ROBO2: variants seen among roughly 807,000 people sequenced by gnomAD.
ROBO2 encodes the protein roundabout homolog 2.
ROBO2 carries 53 observed loss-of-function variants against 160.8 expected under a neutral mutation model. That is an observed-to-expected ratio of 0.33 (90% CI 0.26 to 0.41). The LOEUF is 0.41. Among genes scored for constraint, ROBO2 ranks in the 10% least tolerant of loss-of-function variants. The probability of loss-of-function intolerance (pLI) is 1.00; values close to 1 mark genes in which losing one functional copy is unlikely to be tolerated. For missense variants in ROBO2, 1,577 were observed against 1,722.4 expected, an observed-to-expected ratio of 0.92 and a Z score of 1.49; for synonymous variants, 664 against 611.7, an observed-to-expected ratio of 1.09 and a Z score of -1.26.
At chr3:76,310,338 C>A (rs948606673) in intron 2 of ROBO2, among the ~76,000 whole-genome samples, 2 of 152,078 alleles carry the variant, frequency 1.3e-5, no homozygotes, top group Non-Finnish European at 2.9e-5. Context: ...TTAACACGTT[C>A]CAGAAAGCCT....
intron 2 of ROBO2, among the ~76,000 whole-genome samples, chr3:76,138,357 A>T (rs2071505444): frequency 6.6e-6 from 1 of 152,066 alleles, no homozygotes; most frequent in African/African-American, 2.4e-5. Flanking sequence ...AAAATATTAA[A>T]TGTAAATCTA....
At chr3:76,566,445 T>G (rs1179047963) in intron 2 of ROBO2, among the ~76,000 whole-genome samples, 1 of 152,126 alleles carries the variant, frequency 6.6e-6, no homozygotes, top group Admixed American at 6.5e-5. Context: ...TGAAATACTG[T>G]CTGGAATCCC....
At chr3:77,526,786 G>T (rs2153631338) in intron 6 of ROBO2, among the ~76,000 whole-genome samples, 1 of 151,526 alleles carries the variant, frequency 6.6e-6, no homozygotes, top group East Asian at 2.0e-4. Context: ...CCTGCCCTCT[G>T]CCAGAAGAAG....
intron 2 of ROBO2, among the ~76,000 whole-genome samples, chr3:76,113,964 C>T (rs368813140): frequency 6.6e-6 from 1 of 152,176 alleles, no homozygotes; most frequent in Non-Finnish European, 1.5e-5. Context: ...CACACCTGCT[C>T]CCCCTTTGGC....
intron 2 of ROBO2, among the ~76,000 whole-genome samples, chr3:77,319,135 C>T (rs1453111579): frequency 6.6e-6 from 1 of 152,138 alleles, no homozygotes; most frequent in Non-Finnish European, 1.5e-5. Context: ...ACAATATGGG[C>T]AATGGCTAAG....
At chr3:76,598,729 G>A (rs901013426) in intron 2 of ROBO2, among the ~76,000 whole-genome samples, 3 of 151,962 alleles carry the variant, frequency 2.0e-5, no homozygotes, top group Non-Finnish European at 4.4e-5. Context: ...AAATTGAAAG[G>A]ACTCAAACAT....
At chr3:77,217,849 C>G (rs537335710) in intron 2 of ROBO2, among the ~76,000 whole-genome samples, 57 of 152,166 alleles carry the variant, frequency 3.7e-4, no homozygotes, top group Middle Eastern at 3.4e-3. Context: ...AGGGTCTAGA[C>G]TAAACTGTTA....
intron 2 of ROBO2, among the ~76,000 whole-genome samples, chr3:77,158,330 A>G (rs2078189721): frequency 6.6e-6 from 1 of 152,088 alleles, no homozygotes; most frequent in African/African-American, 2.4e-5. Flanking sequence ...TTTGAAGACT[A>G]TGACTTGCCC....
At chr3:75,965,995 G>T (rs1213798549) in intron 2 of ROBO2, among the ~76,000 whole-genome samples, 1 of 151,682 alleles carries the variant, frequency 6.6e-6, no homozygotes, top group Non-Finnish European at 1.5e-5. Flanking sequence ...TGAAGAGTTG[G>T]TAATTACATC....
chr3:77,089,727 A>G (rs990340662), intron 1 of ROBO2, among the ~76,000 whole-genome samples: 2 of 152,124 alleles, frequency 1.3e-5, no homozygotes. Context: ...GTGTTTTCCA[A>G]ATATTGATCT....
At chr3:77,336,898 GT>G (rs1560566235) in intron 2 of ROBO2, among the ~76,000 whole-genome samples, 1 of 152,156 alleles carries the variant, frequency 6.6e-6, no homozygotes, top group African/African-American at 2.4e-5. Context: ...TAAAATAGTA[GT>G]GAGGAAAAAA....
intron 2 of ROBO2, among the ~76,000 whole-genome samples, chr3:77,459,366 TA>T (rs925210610): frequency 2.0e-5 from 3 of 152,220 alleles, no homozygotes; most frequent in African/African-American, 7.2e-5. Flanking sequence ...TAATTAACTA[TA>T]TCCGGTTTAG....
intron 1 of ROBO2, among the ~76,000 whole-genome samples, chr3:75,931,293 C>T (rs1041563474): frequency 1.4e-4 from 22 of 152,186 alleles, no homozygotes; most frequent in African/African-American, 5.3e-4. Flanking sequence ...CAGGTCTTAG[C>T]TTAAATATTC....
upstream of ROBO2, among the ~76,000 whole-genome samples, chr3:77,036,260 A>C (rs897377959): frequency 2.0e-4 from 30 of 151,996 alleles, no homozygotes; most frequent in Non-Finnish European, 8.8e-5. Flanking sequence ...ATTTTTAAAA[A>C]CTAGAAGAAT....
rs2077626065 is a variant in ROBO2, at chr3:76,398,670, T to C, written c.109+461068T>C. On this transcript the variant is annotated intron_variant, in intron 2 of 26. Coordinates refer to the ROBO2 transcript ENST00000487694. ...TTAGTATATTTTAAACTAAATATAC[T>C]AGTAGTATATTCTAAACTAAATATA... 2.6e-5 allele frequency among the ~76,000 whole-genome samples: 4 copies of C among 151,884 alleles called. No homozygotes were observed. The South Asian group carries it at 8.3e-4, about 31-fold the overall frequency.
At chr3:76,869,536 A>G (rs2071786339) in intron 2 of ROBO2, among the ~76,000 whole-genome samples, 1 of 151,570 alleles carries the variant, frequency 6.6e-6, no homozygotes, top group Non-Finnish European at 1.5e-5. Context: ...TTTTTAGTGG[A>G]GACGGGGTTT....
At chr3:76,727,284 A>T (rs868847873) in intron 2 of ROBO2, among the ~76,000 whole-genome samples, 8 of 152,212 alleles carry the variant, frequency 5.3e-5, no homozygotes, top group Middle Eastern at 6.3e-3. Context: ...AAATGATCTT[A>T]AGTAAGGAAA....
chr3:77,531,823 G>C (rs550603878), intron 6 of ROBO2, among the ~76,000 whole-genome samples: 1 of 151,976 alleles, frequency 6.6e-6, no homozygotes, highest in African/African-American at 2.4e-5. Flanking sequence ...TTTGTTTCTT[G>C]CATCCCTTTT....
chr3:77,036,400 A>T (rs2063639843), upstream of ROBO2, among the ~76,000 whole-genome samples: 1 of 152,014 alleles, frequency 6.6e-6, no homozygotes, highest in Non-Finnish European at 1.5e-5. Flanking sequence ...AGAGTAAAAA[A>T]GTGGATTAGG....
Sources: allele counts gnomAD v4.1 joint callset (sites outside exome capture counted in the v4.1 genomes callset), GRCh38; gene constraint gnomAD v4.1.1; transcripts MANE v1.5; gene names NCBI Gene and HGNC (gene_info 2026-07-23, HGNC 2026-07-21).